Variants in KIAA1671 observed in about 807,000 individuals in gnomAD.
KIAA1671 encodes uncharacterized protein KIAA1671.
In KIAA1671, 52 loss-of-function variants were observed where a neutral mutation model predicts 131.2. That is an observed-to-expected ratio of 0.40 (90% CI 0.32 to 0.50). KIAA1671 has a LOEUF of 0.50. KIAA1671 is among the 20% of genes least tolerant of loss of function. The pLI is 0.73. For synonymous variants in KIAA1671, 1,003 were observed against 961.6 expected, an observed-to-expected ratio of 1.04 and a Z score of -0.80; for missense variants, 2,360 against 2,364.2, an observed-to-expected ratio of 1.00 and a Z score of 0.04.
intron 11 of KIAA1671, among the ~76,000 whole-genome samples, chr22:25,186,640 C>A (rs1934485023): frequency 6.6e-6 from 1 of 152,198 alleles, no homozygotes; most frequent in Admixed American, 6.5e-5. Context: ...GATACTTGAA[C>A]TGAATCATGG....
chr22:25,126,945 G>T (rs1568969853), intron 6 of KIAA1671, among the ~76,000 whole-genome samples: 1 of 152,188 alleles, frequency 6.6e-6, no homozygotes, highest in Non-Finnish European at 1.5e-5. Flanking sequence ...TATCCCAGTT[G>T]TGCAGCTTTG....
At position 25,029,345 on chromosome 22, in the gene KIAA1671, C is replaced by T; in HGVS notation, c.1346C>T (p.Thr449Ile). Reference protein sequence around the residue: ...KCISLFREDSTLALAVGSESP... With the variant: ...KCISLFREDSILALAVGSESP... ...ATCAGCCTGTTTCGGGAGGACAGCACCTTGGCCTTGGCAGTGGGGTCTGAA... is the reference window on the plus strand; with the variant it reads ...ATCAGCCTGTTTCGGGAGGACAGCATCTTGGCCTTGGCAGTGGGGTCTGAA... Residue 449 changes from threonine (T) to isoleucine (I), a missense_variant, in exon 3 of 13, where the codon ACC (threonine) becomes ATC (isoleucine). Thr to Ile is a moderately conservative substitution (Grantham distance 89). Transcript: ENST00000358431. 6.4e-7 allele frequency: 1 copy of T among 1,550,406 alleles called. No individual in the cohort carries two copies. Among genetic ancestry groups the T allele is most frequent in the Non-Finnish European group, 8.7e-7 (1 of 1,146,326 alleles).
At chr22:25,185,141 G>A in intron 11 of KIAA1671, 22 bp downstream of exon 11, 1 of 1,530,096 alleles carries the variant, frequency 6.5e-7, no homozygotes, top group Non-Finnish European at 8.8e-7. Flanking sequence ...TGGGGAATGG[G>A]GGTCCCTCTC....
intron 11 of KIAA1671, among the ~76,000 whole-genome samples, chr22:25,190,394 C>T (rs372968130): frequency 7.2e-5 from 11 of 152,214 alleles, no homozygotes; most frequent in Admixed American, 1.3e-4. Flanking sequence ...GATGAAGCTT[C>T]GCTCACTCGC....
chr22:25,170,342 C>T (rs1933803408), intron 6 of KIAA1671, among the ~76,000 whole-genome samples: 2 of 152,216 alleles, frequency 1.3e-5, no homozygotes, highest in East Asian at 1.9e-4. Flanking sequence ...CAGCCCAATG[C>T]CTGTCCCAAG....
intron 6 of KIAA1671, among the ~76,000 whole-genome samples, chr22:25,094,404 T>C (rs1194000853): frequency 6.6e-6 from 1 of 152,140 alleles, no homozygotes; most frequent in East Asian, 1.9e-4. Flanking sequence ...TGGCAACCCC[T>C]CCTTGTTGGC....
At chr22:25,152,528 G>A (rs953302838) in intron 6 of KIAA1671, among the ~76,000 whole-genome samples, 4 of 152,136 alleles carry the variant, frequency 2.6e-5, no homozygotes, top group African/African-American at 4.8e-5. Context: ...GTTTTCTCCT[G>A]TATAAATGCC....
intron 6 of KIAA1671, among the ~76,000 whole-genome samples, chr22:25,093,610 A>G (rs1369044136): frequency 6.7e-6 from 1 of 150,246 alleles, no homozygotes; most frequent in East Asian, 2.0e-4. Context: ...GCGGGGAGGC[A>G]GTTATTATTA....
At chr22:25,179,531 T>G in intron 9 of KIAA1671, 1 of 1,602,730 alleles carries the variant, frequency 6.2e-7, no homozygotes, top group Non-Finnish European at 8.5e-7. Context: ...CTCCACCAGC[T>G]GCTTCAGCAC....
chr22:25,174,405 C>T lies in KIAA1671; in HGVS notation c.4815C>T (p.Asp1605=). Residue 1605 remains aspartate (D), a synonymous_variant, in exon 8 of 13, where the codon GAC becomes GAT. Transcript: ENST00000358431. The part of the protein sequence containing the change: ...RSTSVDHSST[D]LESTDGMEGP... ...CCAGCGTGGACCACTCCAGCACTGA[C>T]CTGGAATCCACCGATGGGATGGAGG... 6.4e-7 allele frequency: 1 copy of T among 1,551,550 alleles called. No homozygotes were observed.
chr22:25,102,801 C>T (rs1459346494), intron 6 of KIAA1671: 3 of 152,566 alleles, frequency 2.0e-5, no homozygotes, highest in Non-Finnish European at 4.4e-5. Context: ...TTTTTTGTCA[C>T]AACCTTTTGA....
At chr22:25,041,876 C>T (rs1926943402) in intron 5 of KIAA1671, among the ~76,000 whole-genome samples, 1 of 152,176 alleles carries the variant, frequency 6.6e-6, no homozygotes, top group Non-Finnish European at 1.5e-5. Flanking sequence ...TCCCAAATAG[C>T]TGGGATGACA....
chr22:25,043,095 A>AT (rs1410276923), intron 5 of KIAA1671, among the ~76,000 whole-genome samples: 1 of 118,122 alleles, frequency 8.5e-6, no homozygotes, highest in Admixed American at 1.1e-4. Flanking sequence ...AAAGAGAAGA[A>AT]TGGATGGCAG....
At chr22:25,171,009 C>T (rs1253700905) in intron 7 of KIAA1671, 71 bp downstream of exon 7, 2 of 1,182,134 alleles carry the variant, frequency 1.7e-6, no homozygotes, top group East Asian at 2.6e-5. Flanking sequence ...GCCCACCCAC[C>T]TCCTGATTTC....
At position 25,132,564 on chromosome 22, in the gene KIAA1671, A is replaced by C. The variant is rs1344506524; in HGVS notation, c.4531-38256A>C. Among the ~76,000 whole-genome samples the C allele has an allele frequency of 2.0e-5, 3 of 152,292 alleles. No individual in the cohort carries two copies. In the East Asian group the frequency reaches 5.8e-4, roughly 29 times the overall value. ...GTCTGTTGGGAAGTACGTGAGATTC[A>C]TGTGAATGGTACCTCTTATGGGGCT... is the stretch of plus-strand genomic sequence containing the variant. On this transcript the variant is annotated intron_variant, in intron 6 of 12. Transcript: ENST00000358431.
At chr22:25,145,601 C>G (rs937293195) in intron 6 of KIAA1671, among the ~76,000 whole-genome samples, 5 of 152,154 alleles carry the variant, frequency 3.3e-5, no homozygotes, top group Non-Finnish European at 7.3e-5. Context: ...GATTCTGTGT[C>G]CCTAAAACAA....
chr22:25,029,737 G>A (rs1321056512), intron 3 of KIAA1671, among the ~76,000 whole-genome samples, 197 bp downstream of exon 3: 9 of 152,260 alleles, frequency 5.9e-5, no homozygotes, highest in Admixed American at 3.9e-4. Context: ...TCTGGGTATG[G>A]CCAGCCGGGG....
Position 24,983,499 on chromosome 22 carries a change from G to A in KIAA1671, c.-208+30727G>A, listed in dbSNP as rs755227404. On this transcript the variant is annotated intron_variant, in intron 1 of 12. Transcript: ENST00000358431. ...CTACAAGGACCCTATTTCCAAAGAA[G>A]GTCGCATTCTGAGATTACAGGTGGA... 2.2e-4 allele frequency among the ~76,000 whole-genome samples: 34 copies of A among 152,170 alleles called. No homozygotes were observed. The Middle Eastern group carries it at 0.02, about 91-fold the overall frequency.
At chr22:25,020,584 T>TGAC (rs1343482880) in intron 1 of KIAA1671, among the ~76,000 whole-genome samples, 3 of 152,022 alleles carry the variant, frequency 2.0e-5, no homozygotes, top group Non-Finnish European at 4.4e-5. Context: ...GAAACAGAGG[T>TGAC]AGTCACCAGG....
Sources: allele counts gnomAD v4.1 joint callset (sites outside exome capture counted in the v4.1 genomes callset), GRCh38; gene constraint gnomAD v4.1.1; transcripts MANE v1.5; gene names NCBI Gene and HGNC (gene_info 2026-07-23, HGNC 2026-07-21).